SPOP: variants seen among roughly 807,000 people sequenced by gnomAD.
The protein encoded by SPOP is speckle type BTB/POZ protein.
SPOP carries 11 observed loss-of-function variants against 45.6 expected under a neutral mutation model. The observed-to-expected ratio is 0.24, with a 90% confidence interval of 0.15 to 0.40. SPOP has a LOEUF of 0.40. SPOP is among the 10% of genes least tolerant of loss of function. The pLI, the probability that SPOP is intolerant of heterozygous loss-of-function variation, is 1.00. For missense variants in SPOP, 152 were observed against 465.6 expected (o/e 0.33, Z 6.20); for synonymous variants, 166 against 166.3 (o/e 1.00, Z 0.01).
intron 8 of SPOP, 188 bp downstream of exon 8, chr17:49,607,062 G>C: frequency 1.6e-6 from 1 of 612,698 alleles, no homozygotes; most frequent in East Asian, 3.0e-5. Context: ...ATTCAAAACA[G>C]GACACTTTTG....
intron 1 of SPOP, among the ~76,000 whole-genome samples, chr17:49,650,727 A>G (rs1378575443): frequency 6.6e-6 from 1 of 152,244 alleles, no homozygotes; most frequent in Non-Finnish European, 1.5e-5. Context: ...ACTTGCTAAT[A>G]CTAAATTTTT....
At chr17:49,669,775 A>AT (rs1460139469) in intron 1 of SPOP, among the ~76,000 whole-genome samples, 1 of 151,422 alleles carries the variant, frequency 6.6e-6, no homozygotes, top group Non-Finnish European at 1.5e-5. Context: ...AAAAAAAAAA[A>AT]AAAAAAAAAT....
In SPOP at chr17:49,599,421, C is replaced by T. The variant is rs529125953; in HGVS notation, c.*957G>A. The T allele has an allele frequency of 4.4e-6, 1 of 225,772 alleles. No individual in the cohort carries two copies. Among genetic ancestry groups the T allele is most frequent in the Non-Finnish European group, 8.8e-6 (1 of 113,234 alleles). 14.0% of individuals were successfully genotyped at this position (225,772 alleles called of 1,614,324 possible). On this transcript the variant is annotated 3_prime_UTR_variant, in exon 10 of 10. Transcript: ENST00000504102. ...GGCAAGTCAGGTACAAACAGCTGAG[C>T]AATCTGGGCTGGGATTTTATCACAC...
At chr17:49,676,233 T>G (rs2073197271) in intron 1 of SPOP, among the ~76,000 whole-genome samples, 1 of 152,106 alleles carries the variant, frequency 6.6e-6, no homozygotes, top group South Asian at 2.1e-4. Flanking sequence ...GGATAACAAC[T>G]ACCCCAAACC....
chr17:49,670,727 A>G (rs1234785062), intron 1 of SPOP, among the ~76,000 whole-genome samples: 1 of 152,232 alleles, frequency 6.6e-6, no homozygotes. Flanking sequence ...AGTCTACAGT[A>G]CATGACAGAA....
intron 1 of SPOP, among the ~76,000 whole-genome samples, chr17:49,661,519 AC>A: frequency 1.3e-5 from 2 of 152,284 alleles, no homozygotes; most frequent in South Asian, 4.1e-4. Flanking sequence ...CTTCACGAAG[AC>A]AGTCCTGAAT....
chr17:49,671,440 AT>A (rs941929482), intron 1 of SPOP, among the ~76,000 whole-genome samples: 13 of 152,080 alleles, frequency 8.5e-5, no homozygotes, highest in African/African-American at 3.1e-4. Context: ...GACGGGAAAA[AT>A]ACAAAGTGAG....
chr17:49,650,657 T>C (rs1395669820), intron 1 of SPOP, among the ~76,000 whole-genome samples: 3 of 152,180 alleles, frequency 2.0e-5, no homozygotes, highest in Non-Finnish European at 4.4e-5. Context: ...GAGATGAAGA[T>C]CTAAGTAATA....
At chr17:49,664,747 T>C (rs2073031147) in intron 1 of SPOP, among the ~76,000 whole-genome samples, 1 of 152,110 alleles carries the variant, frequency 6.6e-6, no homozygotes, top group Non-Finnish European at 1.5e-5. Context: ...AAATCAACCT[T>C]TCAACTGACC....
At chr17:49,608,214 G>A (rs1490257924) in intron 6 of SPOP, among the ~76,000 whole-genome samples, 1 of 152,154 alleles carries the variant, frequency 6.6e-6, no homozygotes, top group Admixed American at 6.5e-5. Flanking sequence ...TATGTTGGAT[G>A]ATAATGCTAT....
intron 1 of SPOP, among the ~76,000 whole-genome samples, chr17:49,657,146 AGATTGCG>A (rs2072923965): frequency 6.6e-6 from 1 of 151,260 alleles, no homozygotes; most frequent in African/African-American, 2.4e-5. Flanking sequence ...GATTGCGCCG[AGATTGCG>A]CCACTGCACT....
At chr17:49,612,763 A>G (rs1373968007) in intron 5 of SPOP, 1 of 152,256 alleles carries the variant, frequency 6.6e-6, no homozygotes, top group African/African-American at 2.4e-5. Context: ...TTAAATTCAA[A>G]GCAGAACTCA....
chr17:49,603,042 C>T (rs1435333978), intron 8 of SPOP, among the ~76,000 whole-genome samples: 1 of 152,120 alleles, frequency 6.6e-6, no homozygotes, highest in East Asian at 1.9e-4. Context: ...CTTATAGGCC[C>T]CAGCTTGAAG....
intron 1 of SPOP, among the ~76,000 whole-genome samples, chr17:49,662,655 C>T (rs995726987): frequency 6.6e-6 from 1 of 151,714 alleles, no homozygotes; most frequent in Non-Finnish European, 1.5e-5. Flanking sequence ...CCACTGCACT[C>T]CAGCCTGGGC....
chr17:49,638,601 A>G (rs1045400248), intron 1 of SPOP, among the ~76,000 whole-genome samples: 1 of 151,740 alleles, frequency 6.6e-6, no homozygotes, highest in Admixed American at 6.6e-5. Context: ...AAAAAATAGA[A>G]TCTCTTCCTG....
chr17:49,667,178 T>TA (rs36082208), intron 1 of SPOP, among the ~76,000 whole-genome samples: 27,592 of 103,216 alleles, frequency 0.27, 3,752 homozygotes, highest in East Asian at 0.46. Flanking sequence ...AACGCTGTCT[T>TA]AAAAAAAAAA....
intron 6 of SPOP, 45 bp downstream of exon 6, chr17:49,611,235 C>G: frequency 6.3e-7 from 1 of 1,580,384 alleles, no homozygotes; most frequent in Non-Finnish European, 8.6e-7. Flanking sequence ...CTTGTTTTTC[C>G]TTATTTCACC....
chr17:49,677,575 CG>C (rs1360346350), intron 1 of SPOP, among the ~76,000 whole-genome samples: 1 of 152,092 alleles, frequency 6.6e-6, no homozygotes, highest in South Asian at 2.1e-4. Flanking sequence ...CATGCGCCCC[CG>C]GGGCAGCGAA....
At chr17:49,633,041 G>C (rs751140687) in intron 1 of SPOP, among the ~76,000 whole-genome samples, 3 of 152,172 alleles carry the variant, frequency 2.0e-5, no homozygotes, top group Non-Finnish European at 4.4e-5. Flanking sequence ...CTCTAATTAA[G>C]AGCTGAACTA....
Sources: allele counts gnomAD v4.1 joint callset (sites outside exome capture counted in the v4.1 genomes callset), GRCh38; gene constraint gnomAD v4.1.1; transcripts MANE v1.5; gene names NCBI Gene and HGNC (gene_info 2026-07-23, HGNC 2026-07-21).